The following IMMP2L variants were observed in gnomAD, a reference collection of about 807,000 sequenced individuals.
IMMP2L encodes the protein mitochondrial inner membrane protease subunit 2.
A neutral mutation model predicts 19.3 loss-of-function variants in IMMP2L; 18 were observed. The ratio of observed to expected loss-of-function variants is 0.93; its 90% CI spans 0.64 to 1.38. The LOEUF (loss-of-function observed/expected upper bound fraction) is 1.38, where lower values mean the gene tolerates loss of function less well. Among genes scored for constraint, IMMP2L ranks in the 40% most tolerant of loss-of-function variants. The pLI is 0.00. For synonymous variants in IMMP2L, 76 were observed against 73.0 expected (o/e 1.04, Z -0.21); for missense variants, 233 against 218.2 (o/e 1.07, Z -0.43).
At chr7:111,030,880 GTGTGTATATATATATATATATATA>G in intron 3 of IMMP2L, among the ~76,000 whole-genome samples, 1 of 17,184 alleles carries the variant, frequency 5.8e-5, no homozygotes, top group Non-Finnish European at 1.2e-4. Flanking sequence ...GTGTGTGTGT[GTGTGTATATATATATATATATATA>G]TATATATATA....
intron 3 of IMMP2L, among the ~76,000 whole-genome samples, chr7:111,326,166 G>T (rs147885426): frequency 6.6e-6 from 1 of 151,402 alleles, no homozygotes; most frequent in Non-Finnish European, 1.5e-5. Flanking sequence ...ACACTTAATC[G>T]AATTTTATAT....
chr7:111,539,187 G>A (rs1431178641), intron 1 of IMMP2L, among the ~76,000 whole-genome samples: 17 of 64,196 alleles, frequency 2.6e-4, no homozygotes, highest in African/African-American at 1.1e-3. Context: ...AAGGAAGGAA[G>A]GAAGGAGGGA....
chr7:110,905,604 G>A (rs550141913), intron 4 of IMMP2L, among the ~76,000 whole-genome samples: 73 of 152,198 alleles, frequency 4.8e-4, no homozygotes, highest in African/African-American at 1.6e-3. Flanking sequence ...GGCATTTTGG[G>A]CAGAAGGAAA....
At chr7:111,418,027 T>A (rs1835116771) in intron 3 of IMMP2L, among the ~76,000 whole-genome samples, 1 of 151,784 alleles carries the variant, frequency 6.6e-6, no homozygotes. Context: ...CTATAAAAAA[T>A]TATATTATAA....
chr7:111,519,246 A>G (rs2132653523), intron 2 of IMMP2L, among the ~76,000 whole-genome samples: 1 of 152,260 alleles, frequency 6.6e-6, no homozygotes, highest in Non-Finnish European at 1.5e-5. Context: ...GCCAAGATGC[A>G]GAGAAGAACT....
chr7:111,549,205 T>G (rs1585644155), intron 1 of IMMP2L, among the ~76,000 whole-genome samples: 1 of 152,256 alleles, frequency 6.6e-6, no homozygotes, highest in East Asian at 1.9e-4. Flanking sequence ...CAAAAAAATT[T>G]AAGTCTATGA....
At chr7:110,923,430 AAAAC>A (rs1347418492) in intron 4 of IMMP2L, among the ~76,000 whole-genome samples, 2 of 152,202 alleles carry the variant, frequency 1.3e-5, no homozygotes, top group African/African-American at 4.8e-5. Context: ...AATAGCATCA[AAAAC>A]AAACAAACAG....
chr7:111,353,028 T>C (rs924637966), intron 3 of IMMP2L, among the ~76,000 whole-genome samples: 4 of 152,158 alleles, frequency 2.6e-5, no homozygotes, highest in Non-Finnish European at 5.9e-5. Flanking sequence ...ACTTCTCTCA[T>C]ATAGTTAACC....
chr7:111,068,268 A>C (rs963885508), intron 3 of IMMP2L, among the ~76,000 whole-genome samples: 3 of 152,156 alleles, frequency 2.0e-5, no homozygotes, highest in Admixed American at 6.5e-5. Flanking sequence ...TTTTGCAAAA[A>C]TATTTGTGAC....
intron 3 of IMMP2L, among the ~76,000 whole-genome samples, chr7:110,993,318 C>G (rs542516147): frequency 6.6e-6 from 1 of 152,122 alleles, no homozygotes; most frequent in Admixed American, 6.6e-5. Flanking sequence ...ATCATGGTTC[C>G]TATGTCTCTG....
intron 3 of IMMP2L, among the ~76,000 whole-genome samples, chr7:111,042,809 T>C (rs1792026120): frequency 6.6e-6 from 1 of 152,206 alleles, no homozygotes; most frequent in Non-Finnish European, 1.5e-5. Context: ...CAATACCCTT[T>C]TCTTGACCCA....
intron 4 of IMMP2L, among the ~76,000 whole-genome samples, chr7:110,936,811 A>G (rs1205142879): frequency 1.3e-5 from 2 of 152,174 alleles, no homozygotes; most frequent in Admixed American, 1.3e-4. Context: ...AATTCCTATC[A>G]ATGATAGACT....
chr7:111,058,788 C>G (rs571015007), intron 3 of IMMP2L, among the ~76,000 whole-genome samples: 4 of 152,192 alleles, frequency 2.6e-5, no homozygotes, highest in South Asian at 2.1e-4. Context: ...AATGACCCAG[C>G]CTTTACTGAC....
At chr7:110,718,541 C>T (rs1262909748) in intron 5 of IMMP2L, among the ~76,000 whole-genome samples, 1 of 152,128 alleles carries the variant, frequency 6.6e-6, no homozygotes, top group Non-Finnish European at 1.5e-5. Context: ...CTAAGGCTAG[C>T]TGTTGGCAGA....
At chr7:111,534,888 A>T (rs1847742201) in intron 1 of IMMP2L, among the ~76,000 whole-genome samples, 1 of 152,144 alleles carries the variant, frequency 6.6e-6, no homozygotes, top group Non-Finnish European at 1.5e-5. Flanking sequence ...AATAGAATAA[A>T]ATCAACAGAT....
intron 3 of IMMP2L, among the ~76,000 whole-genome samples, chr7:111,477,324 G>T (rs1841805602): frequency 6.6e-6 from 1 of 152,038 alleles, no homozygotes; most frequent in South Asian, 2.1e-4. Context: ...GGGGCTTAAT[G>T]CTCTGAAGCT....
At chr7:111,290,416 T>C (rs1820954955) in intron 3 of IMMP2L, among the ~76,000 whole-genome samples, 1 of 152,246 alleles carries the variant, frequency 6.6e-6, no homozygotes, top group Admixed American at 6.5e-5. Flanking sequence ...TCTGATCATA[T>C]TTGTATATTC....
chr7:110,737,270 G>A (rs1796699122), intron 5 of IMMP2L, among the ~76,000 whole-genome samples: 1 of 152,160 alleles, frequency 6.6e-6, no homozygotes, highest in South Asian at 2.1e-4. Flanking sequence ...GAGGTTTGTG[G>A]TCTGGGGCAA....
chr7:110,846,050 T>C (rs1012698867), intron 5 of IMMP2L, among the ~76,000 whole-genome samples: 1 of 152,170 alleles, frequency 6.6e-6, no homozygotes, highest in African/African-American at 2.4e-5. Context: ...TATGGTATTT[T>C]GTTATAGTAG....
Sources: allele counts gnomAD v4.1 joint callset (sites outside exome capture counted in the v4.1 genomes callset), GRCh38; gene constraint gnomAD v4.1.1; transcripts MANE v1.5; gene names NCBI Gene and HGNC (gene_info 2026-07-23, HGNC 2026-07-21).